Variants in TAOK3 observed in about 807,000 individuals in gnomAD.
TAOK3 encodes serine/threonine-protein kinase TAO3.
In TAOK3, 40 loss-of-function variants were observed where a neutral mutation model predicts 120.4. The observed-to-expected ratio is 0.33, with a 90% CI of 0.26 to 0.43. The LOEUF (loss-of-function observed/expected upper bound fraction) is 0.43. TAOK3 is among the 20% of genes least tolerant of loss of function. The probability of loss-of-function intolerance (pLI) is 1.00; values close to 1 mark genes in which losing one functional copy is unlikely to be tolerated. For missense variants in TAOK3, 821 were observed against 1,112.1 expected (o/e 0.74, Z 3.72); for synonymous variants, 355 against 387.5 (o/e 0.92, Z 0.99).
At chr12:118,344,446 G>A (rs1031311049) in intron 1 of TAOK3, among the ~76,000 whole-genome samples, 2 of 151,860 alleles carry the variant, frequency 1.3e-5, no homozygotes, top group African/African-American at 4.8e-5. Context: ...CAGGGGAGAA[G>A]CAGTGTTCAC....
chr12:118,217,825 A>G (rs1193844944), intron 9 of TAOK3, among the ~76,000 whole-genome samples: 9,641 of 79,682 alleles, frequency 0.12, 1,112 homozygotes, highest in Non-Finnish European at 0.14. Context: ...ACATATATAT[A>G]TATATATATA....
chr12:118,277,709 C>T (rs1316691718), intron 1 of TAOK3, among the ~76,000 whole-genome samples: 1 of 151,938 alleles, frequency 6.6e-6, no homozygotes, highest in Non-Finnish European at 1.5e-5. Flanking sequence ...TCCACCCACC[C>T]CGATCTCCCA....
At chr12:118,299,502 T>G (rs2042799282) in intron 1 of TAOK3, among the ~76,000 whole-genome samples, 1 of 152,168 alleles carries the variant, frequency 6.6e-6, no homozygotes, top group South Asian at 2.1e-4. Flanking sequence ...CTGTTTAAAT[T>G]ACTAAGGGTT....
intron 19 of TAOK3, among the ~76,000 whole-genome samples, chr12:118,153,347 G>A (rs1458825227): frequency 6.6e-6 from 1 of 152,116 alleles, no homozygotes. Context: ...AGGAGTTCGA[G>A]GCTGCAGTGG....
At chr12:118,241,824 C>T (rs2040262939) in intron 5 of TAOK3, among the ~76,000 whole-genome samples, 1 of 152,042 alleles carries the variant, frequency 6.6e-6, no homozygotes, top group South Asian at 2.1e-4. Flanking sequence ...TAAGAATAAA[C>T]AGGTGGCCGG....
chr12:118,351,333 T>C (rs1414195876), intron 1 of TAOK3, among the ~76,000 whole-genome samples: 1 of 152,236 alleles, frequency 6.6e-6, no homozygotes, highest in Non-Finnish European at 1.5e-5. Context: ...TGTACCTAAA[T>C]AGTTTGTTTC....
In TAOK3 at chr12:118,150,956, C is replaced by G. The variant is rs200127879; in HGVS notation, c.*41G>C. On this transcript the variant is annotated 3_prime_UTR_variant, in exon 21 of 21. Coordinates refer to ENST00000392533, the MANE Select transcript of TAOK3 (RefSeq NM_016281.4). ...CAGGGTCTGAATTTTTTTCTGTTTTCTTTTTTTTTTTTTTTTTTGTAAATG... is the reference window on the plus strand; with the variant it reads ...CAGGGTCTGAATTTTTTTCTGTTTTGTTTTTTTTTTTTTTTTTTGTAAATG... 1 of 1,255,372 alleles carries G rather than the reference C, an allele frequency of 8.0e-7. No individual in the cohort carries two copies. The highest frequency in any genetic ancestry group is 1.1e-6 in the Non-Finnish European group (1 of 943,808). The allele number at this position is 1,255,372 out of a possible 1,614,324, so 77.8% of individuals were successfully genotyped here. A position where few individuals can be genotyped will look rare whatever the true frequency, so the allele number is the denominator to read the frequency against.
intron 1 of TAOK3, among the ~76,000 whole-genome samples, chr12:118,282,128 C>T (rs1206314060): frequency 1.3e-5 from 2 of 152,154 alleles, no homozygotes; most frequent in African/African-American, 4.8e-5. Context: ...TTTCAAATAA[C>T]CAGTATAAAT....
intron 1 of TAOK3, among the ~76,000 whole-genome samples, chr12:118,340,569 A>C (rs2044572526): frequency 6.6e-6 from 1 of 152,170 alleles, no homozygotes; most frequent in Admixed American, 6.6e-5. Flanking sequence ...ATGGTTATTA[A>C]ATATTATTTT....
chr12:118,339,762 T>G (rs552122775), intron 1 of TAOK3, among the ~76,000 whole-genome samples: 1 of 152,054 alleles, frequency 6.6e-6, no homozygotes, highest in Non-Finnish European at 1.5e-5. Context: ...GGTTTCACCA[T>G]GTTGGCCAGG....
intron 1 of TAOK3, among the ~76,000 whole-genome samples, chr12:118,297,862 G>A (rs1344998340): frequency 6.6e-6 from 1 of 152,144 alleles, no homozygotes; most frequent in Non-Finnish European, 1.5e-5. Context: ...CACTCAGGAG[G>A]CTGAAGCGAT....
intron 1 of TAOK3, among the ~76,000 whole-genome samples, chr12:118,366,402 T>C (rs1454487465): frequency 6.6e-6 from 1 of 152,220 alleles, no homozygotes; most frequent in Non-Finnish European, 1.5e-5. Context: ...TGCCATCTAT[T>C]GTAATGGGTA....
At chr12:118,252,160 C>G (rs957158608) in intron 3 of TAOK3, among the ~76,000 whole-genome samples, 4 of 152,114 alleles carry the variant, frequency 2.6e-5, no homozygotes, top group Non-Finnish European at 5.9e-5. Flanking sequence ...TAGAGACTGA[C>G]TCTTGCCAGG....
intron 9 of TAOK3, among the ~76,000 whole-genome samples, chr12:118,231,465 T>C (rs754731716): frequency 6.6e-6 from 1 of 151,826 alleles, no homozygotes; most frequent in Non-Finnish European, 1.5e-5. Flanking sequence ...AAGGGGTCAA[T>C]GAAACATTGG....
chr12:118,188,397 A>G (rs1012411588), intron 14 of TAOK3, among the ~76,000 whole-genome samples: 1 of 152,230 alleles, frequency 6.6e-6, no homozygotes. Flanking sequence ...TCATTAGCAA[A>G]TACATAGTGG....
At chr12:118,345,288 A>C (rs1050478381) in intron 1 of TAOK3, among the ~76,000 whole-genome samples, 1 of 152,246 alleles carries the variant, frequency 6.6e-6, no homozygotes, top group Non-Finnish European at 1.5e-5. Flanking sequence ...AAAATGGACA[A>C]GAAATATTCA....
At chr12:118,188,961 C>T (rs948303626) in intron 14 of TAOK3, among the ~76,000 whole-genome samples, 2 of 152,124 alleles carry the variant, frequency 1.3e-5, no homozygotes, top group Non-Finnish European at 2.9e-5. Flanking sequence ...AGCGCGCACG[C>T]GCACGCGTGG....
At chr12:118,188,237 G>A (rs12820035) in intron 14 of TAOK3, among the ~76,000 whole-genome samples, 15,986 of 152,252 alleles carry the variant, frequency 0.1, 1,149 homozygotes, top group South Asian at 0.18. Flanking sequence ...AAAGGTCCAA[G>A]TCTCACAAGA....
rs552456416 is a variant in TAOK3 at position 118,176,326 on chromosome 12, C to T, written c.1695+875G>A. On this transcript the variant is annotated intron_variant, in intron 16 of 20. Transcript: ENST00000392533. ...AAGGTGACCATGGTGGCTGGTGCAG[C>T]GAAGAGTGGGTTGAGGGTAGGGGCA... Among the ~76,000 whole-genome samples the T allele has an allele frequency of 7.9e-5, 12 of 152,016 alleles. No homozygotes were observed. The South Asian group carries it at 1.7e-3, about 21-fold the overall frequency.
Sources: allele counts gnomAD v4.1 joint callset (sites outside exome capture counted in the v4.1 genomes callset), GRCh38; gene constraint gnomAD v4.1.1; transcripts MANE v1.5; gene names NCBI Gene and HGNC (gene_info 2026-07-23, HGNC 2026-07-21).